Variants in FTO observed in about 807,000 individuals in gnomAD.
FTO encodes the protein alpha-ketoglutarate-dependent dioxygenase FTO.
In FTO, 47 loss-of-function variants were observed where a neutral mutation model predicts 63.9. That is an observed-to-expected ratio of 0.74 (90% CI 0.58 to 0.94). The LOEUF (loss-of-function observed/expected upper bound fraction) is 0.94. Among genes scored for constraint, FTO ranks in the 40% least tolerant of loss-of-function variants. The pLI, the probability that FTO is intolerant of heterozygous loss-of-function variation, is 0.00. For synonymous variants in FTO, 207 were observed against 224.4 expected, an observed-to-expected ratio of 0.92 and a Z score of 0.69; for missense variants, 562 against 618.1, an observed-to-expected ratio of 0.91 and a Z score of 0.96.
intron 1 of FTO, among the ~76,000 whole-genome samples, chr16:53,777,264 T>C (rs1419889762): frequency 6.6e-6 from 1 of 152,190 alleles, no homozygotes; most frequent in Non-Finnish European, 1.5e-5. Context: ...TCTACTTCTA[T>C]GAGTTTGACT....
At chr16:54,021,559 GGC>G (rs2084602380) in intron 8 of FTO, among the ~76,000 whole-genome samples, 1 of 152,042 alleles carries the variant, frequency 6.6e-6, no homozygotes, top group Non-Finnish European at 1.5e-5. Flanking sequence ...TCGCAATCTC[GGC>G]TCACTGCAAC....
intron 4 of FTO, among the ~76,000 whole-genome samples, chr16:53,859,934 G>T (rs1242375870): frequency 6.6e-6 from 1 of 152,070 alleles, no homozygotes; most frequent in African/African-American, 2.4e-5. Context: ...TTCTACTTTG[G>T]TATACATATC....
At chr16:53,779,240 C>G (rs1458420711) in intron 1 of FTO, among the ~76,000 whole-genome samples, 1 of 152,048 alleles carries the variant, frequency 6.6e-6, no homozygotes, top group African/African-American at 2.4e-5. Context: ...TCCCAATCTT[C>G]CAGTTTCTTT....
chr16:54,096,022 C>T (rs1047496364), intron 8 of FTO, among the ~76,000 whole-genome samples: 15 of 152,208 alleles, frequency 9.9e-5, no homozygotes, highest in Non-Finnish European at 1.6e-4. Flanking sequence ...CCTGACTTTC[C>T]TGCTAGCATG....
chr16:54,020,960 G>A (rs902179187), intron 8 of FTO, among the ~76,000 whole-genome samples: 3 of 151,982 alleles, frequency 2.0e-5, no homozygotes, highest in African/African-American at 2.4e-5. Context: ...AACAGAGTGA[G>A]ACTTTGTCTC....
intron 8 of FTO, among the ~76,000 whole-genome samples, chr16:54,077,811 A>G (rs1208870042): frequency 2.0e-5 from 3 of 152,216 alleles, no homozygotes; most frequent in African/African-American, 7.2e-5. Context: ...AATGGCAGGC[A>G]GTCGGATCAA....
At chr16:53,963,909 T>G (rs1004472844) in intron 8 of FTO, among the ~76,000 whole-genome samples, 1 of 152,154 alleles carries the variant, frequency 6.6e-6, no homozygotes, top group Non-Finnish European at 1.5e-5. Flanking sequence ...CCCGCCACAA[T>G]GCCTGGCTAA....
intron 7 of FTO, among the ~76,000 whole-genome samples, chr16:53,903,401 G>A (rs1248370700): frequency 6.6e-6 from 1 of 152,030 alleles, no homozygotes; most frequent in African/African-American, 2.4e-5. Flanking sequence ...TGGGATTCCA[G>A]GTGCTCGCCA....
intron 1 of FTO, among the ~76,000 whole-genome samples, chr16:53,809,426 T>C (rs1405876625): frequency 6.6e-6 from 1 of 152,136 alleles, no homozygotes; most frequent in Non-Finnish European, 1.5e-5. Flanking sequence ...TTTCCAGTGA[T>C]AGTACCATAA....
chr16:53,776,038 C>T (rs1366388043), intron 1 of FTO, among the ~76,000 whole-genome samples: 1 of 152,090 alleles, frequency 6.6e-6, no homozygotes, highest in Non-Finnish European at 1.5e-5. Context: ...GAGGGTCAAT[C>T]TGGGGGCTGA....
intron 8 of FTO, among the ~76,000 whole-genome samples, chr16:54,009,225 A>G (rs746396923): frequency 4.0e-4 from 61 of 152,258 alleles, no homozygotes; most frequent in Admixed American, 7.8e-4. Context: ...GTTTGAACCT[A>G]GTAGTGAATG....
chr16:53,815,900 C>T (rs1044036496), intron 2 of FTO, among the ~76,000 whole-genome samples: 21 of 152,086 alleles, frequency 1.4e-4, no homozygotes, highest in South Asian at 8.3e-4. Context: ...CCGCCTGCCT[C>T]GGCCTCCCAA....
chr16:54,027,427 T>C (rs528096765), intron 8 of FTO, among the ~76,000 whole-genome samples: 1 of 152,240 alleles, frequency 6.6e-6, no homozygotes, highest in East Asian at 1.9e-4. Flanking sequence ...ATACATCACA[T>C]CGAATGTTTC....
rs560734817 is a variant in FTO, at chr16:54,104,892, G to A, written c.1365-6870G>A. 7.9e-5 allele frequency among the ~76,000 whole-genome samples: 12 copies of A among 152,328 alleles called. No individual in the cohort carries two copies. In the South Asian group the frequency reaches 2.3e-3, roughly 29 times the overall value. On this transcript the variant is annotated intron_variant, in intron 8 of 8. Coordinates refer to ENST00000471389, the MANE Select transcript of FTO (RefSeq NM_001080432.3). ...AGCGTTACAAGCCCTTCTGGCCAGC[G>A]TTGCATGATCACTAGATTGATCAGC...
At chr16:53,999,217 G>A (rs2084012916) in intron 8 of FTO, among the ~76,000 whole-genome samples, 1 of 152,170 alleles carries the variant, frequency 6.6e-6, no homozygotes, top group East Asian at 1.9e-4. Context: ...AGCAGCTTTT[G>A]AGAACCCGGC....
chr16:53,787,866 T>C (rs1299068930), intron 1 of FTO, among the ~76,000 whole-genome samples: 3 of 152,156 alleles, frequency 2.0e-5, no homozygotes, highest in Non-Finnish European at 4.4e-5. Flanking sequence ...GAACTATTCA[T>C]TGCTATTGGT....
At chr16:53,723,787 A>G (rs370854687) in intron 1 of FTO, among the ~76,000 whole-genome samples, 14 of 152,190 alleles carry the variant, frequency 9.2e-5, no homozygotes, top group African/African-American at 3.4e-4. Context: ...TTTAGGTCTA[A>G]GGGGACTCTT....
chr16:53,928,889 G>C (rs1418223912), intron 7 of FTO, among the ~76,000 whole-genome samples: 1 of 152,006 alleles, frequency 6.6e-6, no homozygotes, highest in African/African-American at 2.4e-5. Flanking sequence ...TGTTGCCCAG[G>C]CTGGAGTGCA....
chr16:53,786,247 A>G (rs964271096), intron 1 of FTO, among the ~76,000 whole-genome samples: 3 of 152,156 alleles, frequency 2.0e-5, no homozygotes, highest in Admixed American at 6.5e-5. Context: ...TTGGAATATG[A>G]GATTATAGGC....
Sources: allele counts gnomAD v4.1 joint callset (sites outside exome capture counted in the v4.1 genomes callset), GRCh38; gene constraint gnomAD v4.1.1; transcripts MANE v1.5; gene names NCBI Gene and HGNC (gene_info 2026-07-23, HGNC 2026-07-21).